PIEZO2: variants seen among roughly 807,000 people sequenced by gnomAD.
PIEZO2 encodes the protein piezo-type mechanosensitive ion channel component 2.
A neutral mutation model predicts 337.3 loss-of-function variants in PIEZO2; 172 were observed. The observed-to-expected ratio is 0.51, with a 90% CI of 0.45 to 0.58. The LOEUF (loss-of-function observed/expected upper bound fraction) is 0.58, where lower values mean the gene tolerates loss of function less well. PIEZO2 is among the 20% of genes least tolerant of loss of function. The pLI, the probability that PIEZO2 is intolerant of heterozygous loss-of-function variation, is 0.00. For missense variants in PIEZO2, 3,028 were observed against 3,391.3 expected, an observed-to-expected ratio of 0.89 and a Z score of 2.66; for synonymous variants, 1,251 against 1,228.5, an observed-to-expected ratio of 1.02 and a Z score of -0.38.
At chr18:10,785,354 T>TC in intron 16 of PIEZO2, among the ~76,000 whole-genome samples, 1 of 152,256 alleles carries the variant, frequency 6.6e-6, no homozygotes, top group South Asian at 2.1e-4. Context: ...AGCTGTGCTT[T>TC]CCCCCTAGGG....
chr18:10,702,315 T>G, intron 42 of PIEZO2, 144 bp from the exon 43 acceptor site: 1 of 727,570 alleles, frequency 1.4e-6, no homozygotes, highest in South Asian at 2.0e-5. Context: ...TTATGTGGAA[T>G]AGTAACATTA....
rs1198870339 is a variant in PIEZO2 at position 10,790,951 on chromosome 18, A to G, written c.1882+250T>C. Among the ~76,000 whole-genome samples the G allele has an allele frequency of 2.0e-5, 3 of 152,132 alleles. No homozygotes were observed. In the East Asian group the frequency reaches 5.8e-4, roughly 29 times the overall value. The stretch of plus-strand genomic sequence containing the variant: ...AATGTCCTGACCTCGGGATCCGCCC[A>G]CCTCGGCCTCCCAAAGTGCTGGGAT... On this transcript the variant is annotated intron_variant, in intron 14 of 55. Transcript: ENST00000674853.
chr18:10,735,569 G>A (rs949707691), intron 34 of PIEZO2, among the ~76,000 whole-genome samples: 1 of 152,096 alleles, frequency 6.6e-6, no homozygotes, highest in Admixed American at 6.5e-5. Context: ...TTGGCTGCAC[G>A]ATGAGTGGTG....
intron 2 of PIEZO2, among the ~76,000 whole-genome samples, chr18:11,049,352 C>T (rs1294113677): frequency 6.6e-6 from 1 of 152,172 alleles, no homozygotes; most frequent in Non-Finnish European, 1.5e-5. Flanking sequence ...ATTCTGGTGA[C>T]CAAGGGTCTG....
chr18:10,685,566 C>A (rs2034512672), intron 49 of PIEZO2, among the ~76,000 whole-genome samples: 1 of 152,210 alleles, frequency 6.6e-6, no homozygotes, highest in East Asian at 1.9e-4. Flanking sequence ...GCAACCACCT[C>A]ATGACAGTGT....
intron 2 of PIEZO2, among the ~76,000 whole-genome samples, chr18:10,989,954 G>A (rs536580249): frequency 1.3e-5 from 2 of 152,220 alleles, no homozygotes; most frequent in South Asian, 4.1e-4. Flanking sequence ...ATAAACTCCA[G>A]ATAAATTTTT....
rs2039764353 is a variant in PIEZO2 at position 11,112,459 on chromosome 18, C to T, written c.64+36066G>A. On this transcript the variant is annotated intron_variant, in intron 1 of 55. Coordinates refer to ENST00000674853, the MANE Select transcript of PIEZO2 (RefSeq NM_001378183.1). This position sits in a 1 kb window ranked among gnomAD's most constrained non-coding sequence, Gnocchi z 4.3. ...ATGACCAAAATATGTACTCCAACTCCATCATTTATTTACATGGAACTACTG... is the reference window on the plus strand; with the variant it reads ...ATGACCAAAATATGTACTCCAACTCTATCATTTATTTACATGGAACTACTG... Among the ~76,000 whole-genome samples, 1 of 152,168 alleles carries T rather than the reference C, an allele frequency of 6.6e-6. No individual in the cohort carries two copies.
At chr18:10,829,327 T>G (rs1343251623) in intron 7 of PIEZO2, among the ~76,000 whole-genome samples, 15 of 151,748 alleles carry the variant, frequency 9.9e-5, no homozygotes, top group Admixed American at 8.5e-4. Context: ...CCATATATGA[T>G]AGACCCACAG....
At chr18:10,906,624 G>A (rs1004305810) in intron 4 of PIEZO2, among the ~76,000 whole-genome samples, 4 of 152,014 alleles carry the variant, frequency 2.6e-5, no homozygotes, top group South Asian at 4.2e-4. Flanking sequence ...GCAGAGGGGC[G>A]ATTTGGGCTC....
At chr18:10,793,236 GATAC>G (rs1315761650) in intron 13 of PIEZO2, among the ~76,000 whole-genome samples, 1 of 151,364 alleles carries the variant, frequency 6.6e-6, no homozygotes, top group Non-Finnish European at 1.5e-5. Flanking sequence ...TCCAGCCTGG[GATAC>G]AGAGCAAAAC....
In PIEZO2 at chr18:10,854,947, A is replaced by G. The variant is rs1339469774; in HGVS notation, c.917+406T>C. ...GGACTTTTATTTTTAAGCTTTTACA[A>G]TTAGTTAATGTTTCTGACGCTTAAT... On this transcript the variant is annotated intron_variant, in intron 7 of 55. Coordinates refer to ENST00000674853, the MANE Select transcript of PIEZO2 (RefSeq NM_001378183.1). The surrounding 1 kb of genome is among the most constrained non-coding windows in gnomAD (Gnocchi z 4.6). 1.3e-5 allele frequency among the ~76,000 whole-genome samples: 2 copies of G among 152,094 alleles called. No homozygotes were observed. The highest frequency in any genetic ancestry group is 4.8e-5 in the African/African-American group (2 of 41,402).
intron 3 of PIEZO2, among the ~76,000 whole-genome samples, chr18:10,938,381 T>C (rs543481965): frequency 2.0e-5 from 3 of 152,360 alleles, no homozygotes; most frequent in South Asian, 4.1e-4. Flanking sequence ...TAGGTATTAA[T>C]AGCAGCAAGG....
chr18:10,699,374 T>C (rs2035237663), intron 43 of PIEZO2, among the ~76,000 whole-genome samples, 197 bp from the exon 44 acceptor site: 1 of 152,130 alleles, frequency 6.6e-6, no homozygotes, highest in Non-Finnish European at 1.5e-5. Context: ...AATTGAGTCA[T>C]GGCGGCAGGT....
chr18:11,084,176 CAAAAAAAAAA>C (rs1161713844), intron 1 of PIEZO2, among the ~76,000 whole-genome samples: 128 of 64,800 alleles, frequency 2.0e-3, no homozygotes, highest in African/African-American at 5.9e-3. Flanking sequence ...AACTCTGTCT[CAAAAAAAAAA>C]AAAAAAAAAA....
Position 10,681,762 on chromosome 18 carries a change from C to A in PIEZO2, c.7687-9G>T, listed in dbSNP as rs1240046738. 3 of 1,586,604 alleles carry A rather than the reference C, an allele frequency of 1.9e-6. No individual in the cohort carries two copies. Among genetic ancestry groups the A allele is most frequent in the Non-Finnish European group, 2.6e-6 (3 of 1,155,144 alleles). On this transcript the variant is annotated splice_polypyrimidine_tract_variant and intron_variant, in intron 50 of 55. Coordinates refer to ENST00000674853, the MANE Select transcript of PIEZO2 (RefSeq NM_001378183.1). ...CTCATTGTGAAAATAGGCTGGAAAA[C>A]AAAGAGAACAGTGTTGTCAATATTC...
intron 1 of PIEZO2, among the ~76,000 whole-genome samples, chr18:11,137,511 C>A (rs1035524952): frequency 2.6e-5 from 4 of 152,208 alleles, no homozygotes; most frequent in African/African-American, 7.2e-5. Context: ...TGTAACTTGG[C>A]AAAGTCGCAT....
Position 10,691,398 on chromosome 18 carries a change from T to A in PIEZO2, c.7191-15A>T. On this transcript the variant is annotated splice_polypyrimidine_tract_variant and intron_variant, in intron 47 of 55. Transcript: ENST00000674853. ...GGCTGAATTTCCTAAAATGTAAAAGTACAGAAAGTGAAGCAATGAAATACT... is the reference window on the plus strand; with the variant it reads ...GGCTGAATTTCCTAAAATGTAAAAGAACAGAAAGTGAAGCAATGAAATACT... 2.5e-6 allele frequency: 4 copies of A among 1,609,268 alleles called. No homozygotes were observed. The highest frequency in any genetic ancestry group is 3.4e-6 in the Non-Finnish European group (4 of 1,177,230).
chr18:10,688,138 T>C (rs2034634522), intron 49 of PIEZO2, among the ~76,000 whole-genome samples: 1 of 152,112 alleles, frequency 6.6e-6, no homozygotes, highest in Admixed American at 6.6e-5. Context: ...GTATTTGTCC[T>C]AATACTATCC....
intron 40 of PIEZO2, among the ~76,000 whole-genome samples, chr18:10,706,225 G>A (rs994632565): frequency 6.6e-6 from 1 of 152,234 alleles, no homozygotes; most frequent in African/African-American, 2.4e-5. Flanking sequence ...AGACCATAAG[G>A]GGGGAATGGG....
Sources: allele counts gnomAD v4.1 joint callset (sites outside exome capture counted in the v4.1 genomes callset), GRCh38; gene constraint gnomAD v4.1.1; non-coding constraint Gnocchi (gnomAD v3.1); transcripts MANE v1.5; gene names NCBI Gene and HGNC (gene_info 2026-07-23, HGNC 2026-07-21).